MCMDC2: variants seen among roughly 807,000 people sequenced by gnomAD.
MCMDC2 encodes minichromosome maintenance domain-containing protein 2.
MCMDC2 carries 54 observed loss-of-function variants against 75.8 expected under a neutral mutation model. The observed-to-expected ratio is 0.71, with a 90% CI of 0.57 to 0.89. The LOEUF is 0.89. MCMDC2 is among the 40% of genes least tolerant of loss of function. MCMDC2 has a pLI of 0.00. For synonymous variants in MCMDC2, 249 were observed against 274.6 expected, an observed-to-expected ratio of 0.91 and a Z score of 0.92; for missense variants, 656 against 780.4, an observed-to-expected ratio of 0.84 and a Z score of 1.90.
At position 66,902,834 on chromosome 8, in the gene MCMDC2, A is replaced by G. The variant is rs189849398; in HGVS notation, c.1769+1486A>G. 5.3e-5 allele frequency among the ~76,000 whole-genome samples: 8 copies of G among 150,470 alleles called. No homozygotes were observed. In the East Asian group the frequency reaches 1.4e-3, roughly 26 times the overall value. On this transcript the variant is annotated intron_variant, in intron 13 of 14. Transcript: ENST00000422365. Reference sequence around the variant, plus strand: ...AGAAAAGAACATTATGAGAAAATAGAACTCTTAAAGCACGGTAGTGCACAC... The same window carrying G: ...AGAAAAGAACATTATGAGAAAATAGGACTCTTAAAGCACGGTAGTGCACAC...
At chr8:66,914,283 C>CAAAAAAAAA (rs67943900) in intron 14 of MCMDC2, among the ~76,000 whole-genome samples, 4 of 85,696 alleles carry the variant, frequency 4.7e-5, no homozygotes, top group Non-Finnish European at 9.5e-5. Flanking sequence ...ACCCTGTATC[C>CAAAAAAAAA]AAAAAAAAAA....
chr8:66,908,503 G>A (rs1046729752), intron 14 of MCMDC2, among the ~76,000 whole-genome samples: 22 of 152,140 alleles, frequency 1.4e-4, no homozygotes, highest in Non-Finnish European at 3.2e-4. Context: ...GCCATCAATT[G>A]TTAAGATACA....
intron 12 of MCMDC2, among the ~76,000 whole-genome samples, chr8:66,900,425 C>T (rs572833065): frequency 1.3e-5 from 2 of 151,608 alleles, no homozygotes; most frequent in South Asian, 2.1e-4. Flanking sequence ...GCAACAAGAG[C>T]GAAACTCCTT....
rs1443006831 is a variant in MCMDC2, at chr8:66,877,263, T to G, written c.286-86T>G. The stretch of plus-strand genomic sequence containing the variant: ...GAACAATAACATATCATTACTTGAC[T>G]TTCTTTATAATATACTTACTATATT... On this transcript the variant is annotated intron_variant, in intron 4 of 14. Transcript: ENST00000422365. 8.5e-6 allele frequency: 7 copies of G among 828,282 alleles called. No homozygotes were observed. In the Admixed American group the frequency reaches 2.6e-4, roughly 30 times the overall value. The allele number at this position is 828,282 out of a possible 1,614,324, so 51.3% of individuals were successfully genotyped here. A position where few individuals can be genotyped will look rare whatever the true frequency, so the allele number is the denominator to read the frequency against.
At chr8:66,875,289 C>T (rs888330898) in intron 4 of MCMDC2, among the ~76,000 whole-genome samples, 3 of 151,866 alleles carry the variant, frequency 2.0e-5, no homozygotes, top group Middle Eastern at 6.8e-3. Flanking sequence ...TTTCTTCTTT[C>T]TTTTTTTGAG....
At chr8:66,924,888 G>A (rs902246216), downstream of MCMDC2, among the ~76,000 whole-genome samples, 3 of 152,126 alleles carry the variant, frequency 2.0e-5, no homozygotes, top group African/African-American at 7.2e-5. Context: ...CGAATGGGTC[G>A]AGACTAGTAA....
intron 4 of MCMDC2, among the ~76,000 whole-genome samples, chr8:66,875,936 T>G (rs1811263168): frequency 6.6e-6 from 1 of 152,212 alleles, no homozygotes; most frequent in African/African-American, 2.4e-5. Context: ...AGAAGATGAC[T>G]GTAAAGGCTT....
intron 9 of MCMDC2, among the ~76,000 whole-genome samples, chr8:66,886,840 C>G (rs965044174): frequency 2.6e-5 from 4 of 151,962 alleles, no homozygotes; most frequent in African/African-American, 9.7e-5. Context: ...TTTTACATTC[C>G]TACCAACAAT....
intron 9 of MCMDC2, among the ~76,000 whole-genome samples, chr8:66,889,238 T>C (rs1010965170): frequency 6.6e-5 from 10 of 152,246 alleles, no homozygotes; most frequent in Admixed American, 2.0e-4. Flanking sequence ...ATTTGAAAGC[T>C]AAGCTAAGGT....
Position 66,905,222 on chromosome 8 carries a change from T to A in MCMDC2, c.1770-4T>A. On this transcript the variant is annotated splice_region_variant and splice_polypyrimidine_tract_variant and intron_variant, in intron 13 of 14. Transcript: ENST00000422365. ...TTTTCTTTGGCAACTATTTTCTTTT[T>A]TAGCGTTTTCCTATCTGAAGCCCAT... 1 of 1,418,940 alleles carries A rather than the reference T, an allele frequency of 7.0e-7. No individual in the cohort carries two copies. Among genetic ancestry groups the A allele is most frequent in the East Asian group, 2.7e-5 (1 of 36,756 alleles). 87.9% of individuals were successfully genotyped at this position (1,418,940 alleles called of 1,614,324 possible). A position where few individuals can be genotyped will look rare whatever the true frequency, so the allele number is the denominator to read the frequency against.
At chr8:66,878,549 G>A (rs1811406091) in intron 5 of MCMDC2, 25 bp from the exon 6 acceptor site, 1 of 1,553,848 alleles carries the variant, frequency 6.4e-7, no homozygotes, top group Non-Finnish European at 8.6e-7. Context: ...GAAAGCAAAT[G>A]TATGTTACCA....
At chr8:66,917,615 A>G (rs959102543) in intron 14 of MCMDC2, among the ~76,000 whole-genome samples, 1 of 152,138 alleles carries the variant, frequency 6.6e-6, no homozygotes, top group Non-Finnish European at 1.5e-5. Context: ...TACTGCCTCT[A>G]TGAATTTGAC....
At position 66,877,508 on chromosome 8, in the gene MCMDC2, T is replaced by G; in HGVS notation, c.445T>G (p.Phe149Val). 2 of 1,607,082 alleles carry G rather than the reference T, an allele frequency of 1.2e-6. No homozygotes were observed. Among genetic ancestry groups the G allele is most frequent in the Non-Finnish European group, 8.5e-7 (1 of 1,178,240 alleles). ...AACCAAGTATACACAAGGGGCAAGA[T>G]TTCTTTGTTCAGATGAAGCATGCCC... is the stretch of plus-strand genomic sequence containing the variant. Reference protein sequence around the residue: ...TITKYTQGARFLCSDEACPLS... With the variant: ...TITKYTQGARVLCSDEACPLS... Residue 149 changes from phenylalanine to valine, a missense_variant, in exon 5 of 15, where the codon TTT becomes GTT. Physicochemically the swap from Phe to Val is conservative, Grantham distance 50. Transcript: ENST00000422365.
chr8:66,878,502 GACA>G (rs1272971092), intron 5 of MCMDC2, 69 bp from the exon 6 acceptor site: 24 of 1,414,278 alleles, frequency 1.7e-5, no homozygotes, highest in Non-Finnish European at 2.1e-5. Flanking sequence ...ATTAAAAAAT[GACA>G]ACAACAAAAG....
chr8:66,916,396 A>G (rs926014997), intron 14 of MCMDC2, among the ~76,000 whole-genome samples: 2 of 152,100 alleles, frequency 1.3e-5, no homozygotes, highest in Non-Finnish European at 2.9e-5. Flanking sequence ...GGAGGAAAGA[A>G]TGGAATATAA....
intron 13 of MCMDC2, among the ~76,000 whole-genome samples, chr8:66,902,711 A>AAAAAATATATATAT (rs1467425752): frequency 1.5e-5 from 1 of 67,916 alleles, no homozygotes; most frequent in South Asian, 4.6e-4. Flanking sequence ...AAAAAAAAAA[A>AAAAAATATATATAT]ATATATATAT....
chr8:66,872,529 C>G (rs1407799592), intron 1 of MCMDC2, among the ~76,000 whole-genome samples: 1 of 152,098 alleles, frequency 6.6e-6, no homozygotes, highest in Non-Finnish European at 1.5e-5. Flanking sequence ...ACTTAAATTG[C>G]CATGTAACTG....
intron 8 of MCMDC2, among the ~76,000 whole-genome samples, chr8:66,881,821 T>G (rs1811579849): frequency 6.6e-6 from 1 of 152,254 alleles, no homozygotes; most frequent in Non-Finnish European, 1.5e-5. Flanking sequence ...CAACATGCGT[T>G]AGCATTATGT....
intron 14 of MCMDC2, among the ~76,000 whole-genome samples, chr8:66,910,744 G>A (rs1466139749): frequency 6.6e-6 from 1 of 152,062 alleles, no homozygotes; most frequent in Admixed American, 6.5e-5. Flanking sequence ...GGGAGACGGA[G>A]GTTGTAGTGA....
Sources: gnomAD v4.1 joint callset for allele counts (sites outside exome capture counted in the v4.1 genomes callset) on GRCh38, gnomAD v4.1.1 for gene constraint, MANE v1.5 for transcripts, NCBI Gene and HGNC (gene_info 2026-07-23, HGNC 2026-07-21) for gene names.